HSPBAP1: variants seen among roughly 807,000 people sequenced by gnomAD.
The protein encoded by HSPBAP1 is HSPB1 associated protein 1.
In HSPBAP1, 27 loss-of-function variants were observed where a neutral mutation model predicts 45.2. The ratio of observed to expected loss-of-function variants is 0.60; its 90% CI spans 0.44 to 0.82. The LOEUF (loss-of-function observed/expected upper bound fraction) is 0.82, where lower values mean the gene tolerates loss of function less well. HSPBAP1 is among the 40% of genes least tolerant of loss of function. The probability of loss-of-function intolerance (pLI) is 0.00; values close to 1 mark genes in which losing one functional copy is unlikely to be tolerated. For missense variants in HSPBAP1, 510 were observed against 590.9 expected, an observed-to-expected ratio of 0.86 and a Z score of 1.42; for synonymous variants, 204 against 202.7, an observed-to-expected ratio of 1.01 and a Z score of -0.06.
At position 122,767,507 on chromosome 3, in the gene HSPBAP1, G is replaced by A. The variant is rs376965658; in HGVS notation, c.432+1194C>T. On this transcript the variant is annotated intron_variant, in intron 3 of 7. Transcript: ENST00000306103. ...GAGGAGGCAGAGGTTGCAGGGAGTCGTAATTGCGCCACTGCATTCCAGCCT... is the reference window on the plus strand; with the variant it reads ...GAGGAGGCAGAGGTTGCAGGGAGTCATAATTGCGCCACTGCATTCCAGCCT... Among the ~76,000 whole-genome samples, 167 of 152,006 alleles carry A rather than the reference G, an allele frequency of 1.1e-3. 1 individual carries two copies. The highest frequency in any genetic ancestry group is 6.8e-3 in the Middle Eastern group (2 of 294).
intron 1 of HSPBAP1, among the ~76,000 whole-genome samples, chr3:122,784,399 A>T (rs769041645): frequency 3.0e-4 from 45 of 152,198 alleles, no homozygotes; most frequent in Non-Finnish European, 5.9e-4. Context: ...ACACACACAA[A>T]TGTCTACTAC....
intron 2 of HSPBAP1, among the ~76,000 whole-genome samples, chr3:122,769,382 G>A (rs1472016933): frequency 6.6e-6 from 1 of 152,158 alleles, no homozygotes; most frequent in Non-Finnish European, 1.5e-5. Context: ...CACTAGAGAT[G>A]AGGGTTGATC....
chr3:122,741,024 T>C lies in HSPBAP1; in HGVS notation c.915A>G (p.Arg305=). The C allele has an allele frequency of 1.2e-6, 2 of 1,614,014 alleles. No homozygotes were observed. Among genetic ancestry groups the C allele is most frequent in the Non-Finnish European group, 8.5e-7 (1 of 1,179,862 alleles). ...LKTAENPQNT[R]AWLNPTEVEE... ...CTACCTCAGTGGGGTTTAACCAGGC[T>C]CTGGTATTTTGTGGATTCTCTGCAG... Residue 305 remains arginine (R), a synonymous_variant, in exon 7 of 8, where the codon AGA becomes AGG. Coordinates refer to ENST00000306103, the MANE Select transcript of HSPBAP1 (RefSeq NM_024610.6).
At chr3:122,773,017 TA>T (rs1320854678) in intron 2 of HSPBAP1, among the ~76,000 whole-genome samples, 80 of 152,034 alleles carry the variant, frequency 5.3e-4, no homozygotes, top group African/African-American at 1.9e-3. Context: ...CCTGGCTAAT[TA>T]AAATTTTTTT....
intron 3 of HSPBAP1, among the ~76,000 whole-genome samples, chr3:122,759,988 G>A (rs1443021963): frequency 6.6e-6 from 1 of 152,016 alleles, no homozygotes; most frequent in Non-Finnish European, 1.5e-5. Context: ...TTCAGATGAG[G>A]GTGTCAAAAT....
chr3:122,762,241 T>C (rs1934618700), intron 3 of HSPBAP1, among the ~76,000 whole-genome samples: 1 of 152,026 alleles, frequency 6.6e-6, no homozygotes, highest in Admixed American at 6.6e-5. Flanking sequence ...TTGCTATTTT[T>C]ATCAGAAAAC....
chr3:122,762,082 A>G (rs1256620278), intron 3 of HSPBAP1: 1 of 152,122 alleles, frequency 6.6e-6, no homozygotes, highest in African/African-American at 2.4e-5. Context: ...AGCAAGTTCT[A>G]TTCTACACCA....
At chr3:122,759,708 C>T (rs577996585) in intron 3 of HSPBAP1, among the ~76,000 whole-genome samples, 48 of 152,142 alleles carry the variant, frequency 3.2e-4, no homozygotes, top group Non-Finnish European at 6.2e-4. Flanking sequence ...AATAAACAGA[C>T]AGGATTATGC....
At chr3:122,776,940 T>C (rs1338232750) in intron 2 of HSPBAP1, among the ~76,000 whole-genome samples, 1 of 152,168 alleles carries the variant, frequency 6.6e-6, no homozygotes, top group Non-Finnish European at 1.5e-5. Context: ...CCACTTTACC[T>C]CAATGCTTAA....
In HSPBAP1 at chr3:122,777,832, A is replaced by C; in HGVS notation, c.139T>G (p.Cys47Gly). 4 of 1,613,924 alleles carry C rather than the reference A, an allele frequency of 2.5e-6. No homozygotes were observed. Among genetic ancestry groups the C allele is most frequent in the Non-Finnish European group, 3.4e-6 (4 of 1,179,794 alleles). ...GCTGGCCAATCAAACACCATGTTACAGAAGATTGCAGGTTGTTGTAAAGAC... is the reference window on the plus strand; with the variant it reads ...GCTGGCCAATCAAACACCATGTTACCGAAGATTGCAGGTTGTTGTAAAGAC... ...IMSLQQPAIFCNMVFDWPARH... is the reference protein window; with the variant it reads ...IMSLQQPAIFGNMVFDWPARH... The change falls in exon 2 of 8, where the codon TGT (cysteine) becomes GGT (glycine). Residue 47 changes from cysteine to glycine, a missense_variant. Cys to Gly is a radical substitution (Grantham distance 159, BLOSUM62 -3). Coordinates refer to ENST00000306103, the MANE Select transcript of HSPBAP1 (RefSeq NM_024610.6).
At chr3:122,782,886 C>A (rs977286241) in intron 1 of HSPBAP1, among the ~76,000 whole-genome samples, 1 of 152,160 alleles carries the variant, frequency 6.6e-6, no homozygotes, top group Non-Finnish European at 1.5e-5. Context: ...TTTAAAGAAA[C>A]TGAAAACTTA....
intron 4 of HSPBAP1, chr3:122,758,934 T>A: frequency 2.7e-6 from 1 of 370,154 alleles, no homozygotes; most frequent in Middle Eastern, 3.7e-4. Context: ...CAGAGAGCTG[T>A]CTAGCTGACC....
At chr3:122,780,844 G>A (rs1439072308) in intron 1 of HSPBAP1, among the ~76,000 whole-genome samples, 7 of 141,900 alleles carry the variant, frequency 4.9e-5, no homozygotes, top group East Asian at 2.1e-4. Context: ...CAGACGGGGC[G>A]GCCGGGCAGA....
intron 1 of HSPBAP1, among the ~76,000 whole-genome samples, chr3:122,787,440 C>A (rs1237252680): frequency 1.3e-5 from 2 of 152,052 alleles, no homozygotes; most frequent in African/African-American, 4.8e-5. Context: ...CCAGGACACT[C>A]CGAATATTAA....
intron 6 of HSPBAP1, among the ~76,000 whole-genome samples, chr3:122,749,723 C>A (rs1312772414): frequency 6.6e-6 from 1 of 152,140 alleles, no homozygotes; most frequent in Non-Finnish European, 1.5e-5. Context: ...ACTCCCCTGC[C>A]TCAGCCTCCT....
At chr3:122,791,753 G>A (rs1401083665) in intron 1 of HSPBAP1, among the ~76,000 whole-genome samples, 1 of 152,136 alleles carries the variant, frequency 6.6e-6, no homozygotes, top group Non-Finnish European at 1.5e-5. Context: ...GGAGGTGAGT[G>A]ACAAGAGATC....
At chr3:122,762,153 C>T (rs1410476847) in intron 3 of HSPBAP1, among the ~76,000 whole-genome samples, 2 of 152,186 alleles carry the variant, frequency 1.3e-5, no homozygotes. Context: ...TCAGTATCTA[C>T]TTCCTGGTAG....
chr3:122,779,808 G>C (rs1415982479), intron 1 of HSPBAP1, among the ~76,000 whole-genome samples: 1 of 151,990 alleles, frequency 6.6e-6, no homozygotes, highest in East Asian at 1.9e-4. Context: ...ATGTTTCAGA[G>C]AGCACAGGGT....
intron 1 of HSPBAP1, among the ~76,000 whole-genome samples, chr3:122,792,980 C>T (rs1380287659): frequency 6.6e-6 from 1 of 152,176 alleles, no homozygotes; most frequent in Non-Finnish European, 1.5e-5. Flanking sequence ...TCCTAACAAC[C>T]CTCACAGAGT....
Sources: allele counts gnomAD v4.1 joint callset (sites outside exome capture counted in the v4.1 genomes callset), GRCh38; gene constraint gnomAD v4.1.1; transcripts MANE v1.5; gene names NCBI Gene and HGNC (gene_info 2026-07-23, HGNC 2026-07-21).